LRFN5: variants seen among roughly 807,000 people sequenced by gnomAD.
LRFN5 encodes leucine-rich repeat and fibronectin type-III domain-containing protein 5.
A neutral mutation model predicts 45.6 loss-of-function variants in LRFN5; 24 were observed. That is an observed-to-expected ratio of 0.53 (90% CI 0.38 to 0.74). LRFN5 has a LOEUF of 0.74. Among genes scored for constraint, LRFN5 ranks in the 30% least tolerant of loss-of-function variants. The pLI, the probability that LRFN5 is intolerant of heterozygous loss-of-function variation, is 0.00. For missense variants in LRFN5, 776 were observed against 861.5 expected (o/e 0.90, Z 1.24); for synonymous variants, 340 against 313.8 (o/e 1.08, Z -0.88).
At chr14:41,894,246 T>C (rs937220065) in intron 4 of LRFN5, 2 of 981,076 alleles carry the variant, frequency 2.0e-6, no homozygotes, top group Non-Finnish European at 2.4e-6. Flanking sequence ...AAGTTACTGA[T>C]GAACTTAGTA....
chr14:41,742,212 T>G (rs921170629), intron 1 of LRFN5, among the ~76,000 whole-genome samples: 1 of 151,668 alleles, frequency 6.6e-6, no homozygotes, highest in African/African-American at 2.4e-5. Context: ...ATACCTGTAC[T>G]TTCATGTTTA....
At chr14:41,815,771 T>C (rs905279846) in intron 2 of LRFN5, among the ~76,000 whole-genome samples, 1 of 151,720 alleles carries the variant, frequency 6.6e-6, no homozygotes, top group African/African-American at 2.4e-5. Context: ...TATAAATAAA[T>C]AAATAAATAA....
At chr14:41,735,804 G>C (rs1261163222) in intron 1 of LRFN5, among the ~76,000 whole-genome samples, 1 of 151,768 alleles carries the variant, frequency 6.6e-6, no homozygotes, top group Non-Finnish European at 1.5e-5. Context: ...CCCTCCCTGT[G>C]TCCATGTGTT....
At chr14:41,902,221 A>C (rs1395749320) in intron 5 of LRFN5, among the ~76,000 whole-genome samples, 1 of 151,880 alleles carries the variant, frequency 6.6e-6, no homozygotes, top group African/African-American at 2.4e-5. Context: ...AGATTTTTGC[A>C]TGATATCCAC....
At chr14:41,834,909 T>TA (rs1297419951) in intron 2 of LRFN5, among the ~76,000 whole-genome samples, 3 of 151,772 alleles carry the variant, frequency 2.0e-5, no homozygotes, top group African/African-American at 7.3e-5. Flanking sequence ...GCAATCCACC[T>TA]ACCTTAGCCT....
chr14:41,872,060 A>G (rs374999767), intron 2 of LRFN5, among the ~76,000 whole-genome samples: 82 of 152,320 alleles, frequency 5.4e-4, no homozygotes, highest in African/African-American at 1.9e-3. Context: ...CTATCAAGAA[A>G]TGCTTCAGAG....
intron 1 of LRFN5, among the ~76,000 whole-genome samples, chr14:41,636,185 T>C (rs2138588092): frequency 6.6e-6 from 1 of 152,258 alleles, no homozygotes; most frequent in East Asian, 1.9e-4. Flanking sequence ...AGAGAAATAT[T>C]TGAAGCAATG....
chr14:41,865,217 T>G (rs1215752001), intron 2 of LRFN5, among the ~76,000 whole-genome samples: 1 of 152,070 alleles, frequency 6.6e-6, no homozygotes, highest in Non-Finnish European at 1.5e-5. Context: ...ACCATACTCA[T>G]CAGAACCACT....
intron 1 of LRFN5, among the ~76,000 whole-genome samples, chr14:41,624,748 G>A (rs1888263553): frequency 6.6e-6 from 1 of 152,102 alleles, no homozygotes; most frequent in Non-Finnish European, 1.5e-5. Context: ...AAACAAAGAA[G>A]CAAAAGTTCT....
intron 1 of LRFN5, among the ~76,000 whole-genome samples, chr14:41,726,509 C>T (rs1036607345): frequency 6.6e-6 from 1 of 152,134 alleles, no homozygotes; most frequent in Non-Finnish European, 1.5e-5. Context: ...CCTGAATTTT[C>T]ATAGGGGCAT....
chr14:41,686,098 G>A (rs1041840696), intron 1 of LRFN5, among the ~76,000 whole-genome samples: 1 of 152,034 alleles, frequency 6.6e-6, no homozygotes, highest in African/African-American at 2.4e-5. Flanking sequence ...CTAGACATGA[G>A]GATGGAATAT....
chr14:41,706,723 T>C (rs189869399), intron 1 of LRFN5, among the ~76,000 whole-genome samples: 208 of 152,346 alleles, frequency 1.4e-3, no homozygotes, highest in African/African-American at 4.9e-3. Flanking sequence ...GCTTTTGTTT[T>C]GCTTTCATAT....
intron 1 of LRFN5, among the ~76,000 whole-genome samples, 195 bp from the exon 2 acceptor site, chr14:41,766,659 A>T (rs190076593): frequency 3.9e-5 from 6 of 152,360 alleles, no homozygotes; most frequent in Admixed American, 2.0e-4. Context: ...GAGAATGCTA[A>T]TATATTTATT....
At chr14:41,879,478 T>A (rs1290053974) in intron 2 of LRFN5, among the ~76,000 whole-genome samples, 1 of 151,910 alleles carries the variant, frequency 6.6e-6, no homozygotes, top group African/African-American at 2.4e-5. Flanking sequence ...TCTTTCCTCA[T>A]CTTCTCCTTG....
At chr14:41,860,805 G>C (rs1241990288) in intron 2 of LRFN5, among the ~76,000 whole-genome samples, 1 of 152,146 alleles carries the variant, frequency 6.6e-6, no homozygotes, top group East Asian at 1.9e-4. Context: ...TGCAGACATA[G>C]GACTTCTTTA....
chr14:41,782,285 C>A (rs1395460163), intron 2 of LRFN5, among the ~76,000 whole-genome samples: 1 of 151,810 alleles, frequency 6.6e-6, no homozygotes, highest in African/African-American at 2.4e-5. Flanking sequence ...ATTTCTCAAA[C>A]TTGTTAAGTC....
intron 1 of LRFN5, among the ~76,000 whole-genome samples, chr14:41,635,202 A>G (rs1372739964): frequency 2.0e-5 from 3 of 152,182 alleles, no homozygotes; most frequent in Non-Finnish European, 2.9e-5. Context: ...TATTTTGTTA[A>G]GAAACCATGC....
At chr14:41,740,727 T>C (rs1016366439) in intron 1 of LRFN5, among the ~76,000 whole-genome samples, 2 of 151,570 alleles carry the variant, frequency 1.3e-5, no homozygotes, top group Admixed American at 6.6e-5. Context: ...AAAAAAGAAA[T>C]AAAAGGCCTC....
At chr14:41,734,316 T>TTATATATATATATATATATATA (rs60855395) in intron 1 of LRFN5, among the ~76,000 whole-genome samples, 1,361 of 38,536 alleles carry the variant, frequency 0.035, 215 homozygotes, top group Non-Finnish European at 0.057. Context: ...TGGACTGGTT[T>TTATATATATATATATATATATA]TATATATATA....
Sources: gnomAD v4.1 joint callset for allele counts (sites outside exome capture counted in the v4.1 genomes callset) on GRCh38, gnomAD v4.1.1 for gene constraint, MANE v1.5 for transcripts, NCBI Gene and HGNC (gene_info 2026-07-23, HGNC 2026-07-21) for gene names.